The following RNF213 variants were observed in gnomAD, a reference collection of about 807,000 sequenced individuals.
RNF213 encodes the protein E3 ubiquitin-protein ligase RNF213.
RNF213 carries 341 observed loss-of-function variants against 514.4 expected under a neutral mutation model. The observed-to-expected ratio is 0.66, with a 90% CI of 0.61 to 0.73. The LOEUF (loss-of-function observed/expected upper bound fraction) is 0.73, where lower values mean the gene tolerates loss of function less well. Ranked by LOEUF, RNF213 falls within the 30% of genes least tolerant of loss-of-function variation. RNF213 has a pLI of 0.00. For synonymous variants in RNF213, 2,655 were observed against 2,658.2 expected, an observed-to-expected ratio of 1.00 and a Z score of 0.04; for missense variants, 5,767 against 6,615.6, an observed-to-expected ratio of 0.87 and a Z score of 4.45.
chr17:80,381,107 A>G lies in RNF213; in HGVS notation c.13797+120A>G, dbSNP rs535359828. The G allele has an allele frequency of 5.3e-5, 54 of 1,025,396 alleles. No individual in the cohort carries two copies. The South Asian group carries it at 5.3e-4, about 10-fold the overall frequency. 63.5% of individuals were successfully genotyped at this position (1,025,396 alleles called of 1,614,324 possible). A position where few individuals can be genotyped will look rare whatever the true frequency, so the allele number is the denominator to read the frequency against. ...TATGCGTTTTGGAGATAATTAGTCT[A>G]CAAAGTAATATACAAGTTATACATC... On this transcript the variant is annotated intron_variant, in intron 56 of 67. Coordinates refer to ENST00000582970, the MANE Select transcript of RNF213 (RefSeq NM_001256071.3).
At chr17:80,390,677 C>G (rs769346286) in intron 67 of RNF213, among the ~76,000 whole-genome samples, 1 of 151,468 alleles carries the variant, frequency 6.6e-6, no homozygotes, top group Non-Finnish European at 1.5e-5. Context: ...AATGAAAAGG[C>G]GTGAGCCACT....
intron 62 of RNF213, 46 bp downstream of exon 62, chr17:80,386,476 T>G: frequency 6.2e-7 from 1 of 1,601,808 alleles, no homozygotes; most frequent in Non-Finnish European, 8.5e-7. Flanking sequence ...CAGCCCAGAG[T>G]CCCTAAGCCC....
chr17:80,281,501 T>TCA (rs2044283378), intron 3 of RNF213, among the ~76,000 whole-genome samples: 3 of 54,800 alleles, frequency 5.5e-5, no homozygotes, highest in Non-Finnish European at 6.6e-5. Flanking sequence ...TACACCCCAC[T>TCA]CACACACACA....
At position 80,340,100 on chromosome 17, in the gene RNF213, T is replaced by G. The variant is rs2078107410; in HGVS notation, c.5733T>G (p.Leu1911=). ...SYEVARQAEE[L]FHNLCTQQHR... is the part of the protein sequence containing the mutation. Reference sequence around the variant, plus strand: ...AGGTGGCACGCCAAGCGGAGGAGCTTTTCCACAATCTGTGCACGCAGCAGC... The same window carrying G: ...AGGTGGCACGCCAAGCGGAGGAGCTGTTCCACAATCTGTGCACGCAGCAGC... Residue 1911 remains leucine (L), a synonymous_variant, in exon 26 of 68, where the codon CTT becomes CTG. Transcript: ENST00000582970. 6.2e-7 allele frequency: 1 copy of G among 1,610,776 alleles called. No homozygotes were observed. The highest frequency in any genetic ancestry group is 1.3e-5 in the African/African-American group (1 of 74,924).
intron 37 of RNF213, among the ~76,000 whole-genome samples, chr17:80,359,078 T>G (rs915838134): frequency 2.0e-5 from 3 of 152,188 alleles, no homozygotes; most frequent in African/African-American, 7.2e-5. Flanking sequence ...CCCTGGGATC[T>G]GTGCTCCCTC....
At chr17:80,277,132 C>CAA (rs1207510147) in intron 3 of RNF213, among the ~76,000 whole-genome samples, 2 of 151,960 alleles carry the variant, frequency 1.3e-5, no homozygotes, top group African/African-American at 4.8e-5. Flanking sequence ...GGATGGACCC[C>CAA]AAAAACATGC....
In RNF213 at chr17:80,377,011, G is replaced by GA; in HGVS notation, c.13510+48_13510+49insA. On this transcript the variant is annotated intron_variant, in intron 53 of 67. Coordinates refer to ENST00000582970, the MANE Select transcript of RNF213 (RefSeq NM_001256071.3). The surrounding 1 kb of genome is among the most constrained non-coding windows in gnomAD (Gnocchi z 4.1). ...CCCCACACTCCTTTGAGCTTCAAAGGGTGTCCAGATGCTATGAAGCATTGG... is the reference window on the plus strand; with the variant it reads ...CCCCACACTCCTTTGAGCTTCAAAGGAGTGTCCAGATGCTATGAAGCATTGG... 7.6e-6 allele frequency: 11 copies of GA among 1,439,876 alleles called. No homozygotes were observed. Among genetic ancestry groups the GA allele is most frequent in the East Asian group, 2.3e-5 (1 of 43,862 alleles). The allele number at this position is 1,439,876 out of a possible 1,614,324, so 89.2% of individuals were successfully genotyped here.
chr17:80,347,365 G>A lies in RNF213; in HGVS notation c.9030G>A (p.Glu3010=), dbSNP rs192751125. The stretch of plus-strand genomic sequence containing the variant: ...ATTTGCCCGAGGCCAAGTGCTCAGA[G>A]GAAGTCAGCCCCATGCAGCTGATCA... ...LANLPEAKCS[E]EVSPMQLIKQ... Residue 3010 remains glutamate (E), a synonymous_variant, in exon 29 of 68, where the codon GAG becomes GAA. Transcript: ENST00000582970. The surrounding 1 kb of genome is among the most constrained non-coding windows in gnomAD (Gnocchi z 7.2). 6.2e-7 allele frequency: 1 copy of A among 1,613,978 alleles called. No homozygotes were observed. Among genetic ancestry groups the A allele is most frequent in the Admixed American group, 1.7e-5 (1 of 60,022 alleles).
intron 13 of RNF213, among the ~76,000 whole-genome samples, 161 bp downstream of exon 13, chr17:80,307,362 G>GTTTT (rs58826434): frequency 1.5e-4 from 17 of 113,702 alleles, no homozygotes; most frequent in African/African-American, 3.8e-4. Flanking sequence ...ATTGTCGTCT[G>GTTTT]TTTTTTTTTT....
In RNF213 at chr17:80,369,684, C is replaced by T. The variant is rs1167001461; in HGVS notation, c.12325+13C>T. The T allele has an allele frequency of 6.2e-7, 1 of 1,614,088 alleles. No individual in the cohort carries two copies. The highest frequency in any genetic ancestry group is 2.2e-5 in the East Asian group (1 of 44,898). ...GATGCTGCCCAGAGTAGGTTGCTTT[C>T]TTCCTGTAAACCTAGCCCCTCATTT... On this transcript the variant is annotated intron_variant, in intron 45 of 67. Transcript: ENST00000582970.
chr17:80,313,158 G>T lies in RNF213; in HGVS notation c.2802G>T (p.Lys934Asn). ...CAGGTGCCTCATTCACATACGTCAAGGAAATTGAGGTAGGCATTTGGCCGA... is the reference window on the plus strand; with the variant it reads ...CAGGTGCCTCATTCACATACGTCAATGAAATTGAGGTAGGCATTTGGCCGA... ...TSSGASFTYV[K>N]EIEVWRRLVE... The change falls in exon 15 of 68, where the codon AAG becomes AAT. Residue 934 changes from lysine to asparagine, a missense_variant. Lys to Asn is a moderately conservative substitution (Grantham distance 94). Around this residue, in one of 13 missense-constraint regions of RNF213, gnomAD observed 592 missense variants for 673.9 expected, o/e 0.88. Transcript: ENST00000582970. 1 of 1,614,126 alleles carries T rather than the reference G, an allele frequency of 6.2e-7. No individual in the cohort carries two copies. Among genetic ancestry groups the T allele is most frequent in the South Asian group, 1.1e-5 (1 of 91,084 alleles).
chr17:80,381,239 G>A (rs1370857047), intron 56 of RNF213: 2 of 604,082 alleles, frequency 3.3e-6, no homozygotes, highest in Non-Finnish European at 2.9e-6. Flanking sequence ...ACATCTGGGA[G>A]TAGAGAGGCT....
intron 2 of RNF213, among the ~76,000 whole-genome samples, chr17:80,268,409 G>C (rs2043683990): frequency 6.6e-6 from 1 of 151,164 alleles, no homozygotes; most frequent in Non-Finnish European, 1.5e-5. Context: ...AGGGACTGCA[G>C]GGATTAGTGC....
At chr17:80,303,567 C>CTTTT (rs61546164) in intron 11 of RNF213, among the ~76,000 whole-genome samples, 2 of 130,930 alleles carry the variant, frequency 1.5e-5, no homozygotes, top group Non-Finnish European at 3.2e-5. Flanking sequence ...CTTTTCTTTT[C>CTTTT]TTTTTTTTTT....
At chr17:80,265,382 G>C (rs372470626) in intron 2 of RNF213, among the ~76,000 whole-genome samples, 86 of 152,346 alleles carry the variant, frequency 5.6e-4, no homozygotes, top group Admixed American at 4.6e-4. Context: ...AGTGCGGAGA[G>C]CACTGGTAGT....
At chr17:80,290,046 C>T (rs2044635157) in intron 6 of RNF213, among the ~76,000 whole-genome samples, 1 of 152,218 alleles carries the variant, frequency 6.6e-6, no homozygotes, top group African/African-American at 2.4e-5. Flanking sequence ...CCCTGGGGTC[C>T]TGGAGCCAGC....
In RNF213 at chr17:80,317,121, C is replaced by T; in HGVS notation, c.2812-67C>T. 5 of 1,527,134 alleles carry T rather than the reference C, an allele frequency of 3.3e-6. No homozygotes were observed. Among genetic ancestry groups the T allele is most frequent in the Non-Finnish European group, 4.5e-6 (5 of 1,113,654 alleles). 94.6% of individuals were successfully genotyped at this position (1,527,134 alleles called of 1,614,324 possible). ...ATTGCCGTAATGCTCTGTCTTTCTC[C>T]TTTCATGGGAGTGTGCCGTGGCATT... On this transcript the variant is annotated intron_variant, in intron 15 of 67. Transcript: ENST00000582970. This position sits in a 1 kb window ranked among gnomAD's most constrained non-coding sequence, Gnocchi z 4.1.
intron 18 of RNF213, among the ~76,000 whole-genome samples, chr17:80,326,501 G>A (rs2046285631): frequency 6.6e-6 from 1 of 152,164 alleles, no homozygotes; most frequent in African/African-American, 2.4e-5. Context: ...CGTTCCTGGT[G>A]TTGTCCATTC....
intron 57 of RNF213, chr17:80,382,119 T>C: frequency 4.1e-6 from 1 of 244,076 alleles, no homozygotes; most frequent in Admixed American, 5.0e-5. Flanking sequence ...AGAGCGTGCG[T>C]GTCAAAGGAT....
Sources: allele counts gnomAD v4.1 joint callset (sites outside exome capture counted in the v4.1 genomes callset), GRCh38; gene constraint gnomAD v4.1.1; regional missense constraint gnomAD v4.1.1; non-coding constraint Gnocchi (gnomAD v3.1); transcripts MANE v1.5; gene names NCBI Gene and HGNC (gene_info 2026-07-23, HGNC 2026-07-21).